The following FOXP2 variants were observed in gnomAD, a reference collection of about 807,000 sequenced individuals.
FOXP2 encodes forkhead box protein P2.
FOXP2 carries 12 observed loss-of-function variants against 115.8 expected under a neutral mutation model. That is an observed-to-expected ratio of 0.10 (90% CI 0.07 to 0.17). The LOEUF (loss-of-function observed/expected upper bound fraction) is 0.17, where lower values mean the gene tolerates loss of function less well. Ranked by LOEUF, FOXP2 falls within the 10% of genes least tolerant of loss-of-function variation. FOXP2 has a pLI of 1.00. For missense variants in FOXP2, 629 were observed against 843.5 expected (o/e 0.75, Z 3.15); for synonymous variants, 328 against 297.7 (o/e 1.10, Z -1.05).
At chr7:114,294,911 TATACATACATAC>T (rs199913892) in intron 2 of FOXP2, among the ~76,000 whole-genome samples, 3 of 151,298 alleles carry the variant, frequency 2.0e-5, no homozygotes, top group Non-Finnish European at 4.4e-5. Context: ...TGCATGCATA[TATACATACATAC>T]ATACATACAT....
chr7:114,548,258 A>G (rs1800031669), intron 3 of FOXP2, among the ~76,000 whole-genome samples: 1 of 152,238 alleles, frequency 6.6e-6, no homozygotes, highest in African/African-American at 2.4e-5. Context: ...AGAAGCCTCA[A>G]ACAGTGACTT....
At chr7:114,327,384 A>G (rs1797584381) in intron 2 of FOXP2, among the ~76,000 whole-genome samples, 1 of 152,226 alleles carries the variant, frequency 6.6e-6, no homozygotes, top group Non-Finnish European at 1.5e-5. Flanking sequence ...TATTAAATTT[A>G]GTCACCATTT....
intron 1 of FOXP2, among the ~76,000 whole-genome samples, chr7:114,148,770 CT>C (rs1486952190): frequency 6.6e-6 from 1 of 152,102 alleles, no homozygotes; most frequent in Non-Finnish European, 1.5e-5. Flanking sequence ...TCTTATGTTC[CT>C]TTTTCTTCAT....
intron 16 of FOXP2, among the ~76,000 whole-genome samples, chr7:114,687,519 T>C (rs1015228255): frequency 1.8e-4 from 27 of 152,194 alleles, no homozygotes; most frequent in Non-Finnish European, 3.7e-4. Flanking sequence ...TAATAATTTT[T>C]CTCGCTTTTT....
At chr7:114,280,077 CAAATAAATAAATAAATAAATAAAT>C (rs141041172) in intron 1 of FOXP2, among the ~76,000 whole-genome samples, 3 of 143,016 alleles carry the variant, frequency 2.1e-5, no homozygotes, top group Non-Finnish European at 3.1e-5. Flanking sequence ...GACTCTCAGG[CAAATAAATAAATAAATAAATAAAT>C]AAATAAATAA....
chr7:114,578,112 A>T (rs1205467487), intron 3 of FOXP2, among the ~76,000 whole-genome samples: 1 of 152,052 alleles, frequency 6.6e-6, no homozygotes, highest in Admixed American at 6.6e-5. Context: ...TAATATGAAT[A>T]ACAAATGTAC....
chr7:114,270,133 G>A (rs1486569153), intron 1 of FOXP2, among the ~76,000 whole-genome samples: 2 of 152,112 alleles, frequency 1.3e-5, no homozygotes, highest in Admixed American at 6.6e-5. Flanking sequence ...GTTTTTCCAT[G>A]TCTTTCCATG....
chr7:114,557,415 T>C (rs1028740557), intron 3 of FOXP2, among the ~76,000 whole-genome samples: 2 of 152,184 alleles, frequency 1.3e-5, no homozygotes, highest in Admixed American at 1.3e-4. Flanking sequence ...TTAAGACAAA[T>C]ATATATCATC....
chr7:114,622,813 G>T (rs544966655), intron 3 of FOXP2, among the ~76,000 whole-genome samples: 1 of 151,892 alleles, frequency 6.6e-6, no homozygotes, highest in African/African-American at 2.4e-5. Context: ...AAATTTAAAA[G>T]GAAATATTTA....
At chr7:114,087,606 C>A (rs1243053141), upstream of FOXP2, 2 of 147,932 alleles carry the variant, frequency 1.4e-5, no homozygotes, top group South Asian at 1.8e-4. Flanking sequence ...CCTTCGCGCT[C>A]GCGGCGGCGC....
upstream of FOXP2, chr7:114,086,442 C>T: frequency 5.9e-6 from 2 of 341,496 alleles, no homozygotes; most frequent in Admixed American, 4.0e-5. Flanking sequence ...ATTTATGCGG[C>T]GGCCGCGTCC....
At chr7:114,114,724 C>G (rs1221126201) in intron 1 of FOXP2, among the ~76,000 whole-genome samples, 1 of 152,072 alleles carries the variant, frequency 6.6e-6, no homozygotes, top group African/African-American at 2.4e-5. Flanking sequence ...TCCACCTTGC[C>G]TTATAGTTAT....
At chr7:114,387,413 A>C (rs1259239473) in intron 2 of FOXP2, among the ~76,000 whole-genome samples, 1 of 152,224 alleles carries the variant, frequency 6.6e-6, no homozygotes, top group East Asian at 1.9e-4. Flanking sequence ...CAGGACTAGA[A>C]TACATGAGTC....
chr7:114,523,956 A>G (rs1245662294), intron 2 of FOXP2, among the ~76,000 whole-genome samples: 12 of 152,210 alleles, frequency 7.9e-5, no homozygotes, highest in Admixed American at 7.9e-4. Flanking sequence ...TACCTTGGTT[A>G]CATATTCTGA....
chr7:114,654,140 G>A lies in FOXP2; in HGVS notation c.1266+131G>A, dbSNP rs182880551. ...TACGGCAATAAAATGAAAGTAAAAT[G>A]TAATCGCTTGTCAAATTGTATGTTT... On this transcript the variant is annotated intron_variant, in intron 10 of 16. Transcript: ENST00000350908. 2.0e-5 allele frequency: 31 copies of A among 1,553,884 alleles called. No individual in the cohort carries two copies. The Admixed American group carries it at 4.0e-4, about 20-fold the overall frequency.
rs190347117 is a variant in FOXP2 at position 114,436,706 on chromosome 7, T to C, written c.168+10027T>C. Among the ~76,000 whole-genome samples the C allele has an allele frequency of 3.2e-3, 480 of 151,786 alleles. 11 individuals are homozygous for C. The highest frequency in any genetic ancestry group is 0.029 in the Admixed American group (436 of 15,254). On this transcript the variant is annotated intron_variant, in intron 2 of 16. Coordinates refer to ENST00000350908, the MANE Select transcript of FOXP2 (RefSeq NM_014491.4). ...AATAATCACATACATAAATATGAAA[T>C]TGTAACTGTGACAGATGCTTCAAAG...
intron 1 of FOXP2, among the ~76,000 whole-genome samples, chr7:114,238,371 G>C (rs756123869): frequency 6.6e-6 from 1 of 151,900 alleles, no homozygotes; most frequent in Non-Finnish European, 1.5e-5. Flanking sequence ...TGCATATAAA[G>C]TTTTGAGAAA....
chr7:114,489,301 T>A, intron 2 of FOXP2, among the ~76,000 whole-genome samples: 1 of 152,148 alleles, frequency 6.6e-6, no homozygotes, highest in East Asian at 1.9e-4. Flanking sequence ...TGGGTTTTTT[T>A]GAAACTAGAC....
At chr7:114,211,249 G>T (rs889817207) in intron 1 of FOXP2, among the ~76,000 whole-genome samples, 3 of 152,188 alleles carry the variant, frequency 2.0e-5, no homozygotes, top group Non-Finnish European at 4.4e-5. Flanking sequence ...CGGGGCCAGA[G>T]TATGTAAAAC....
Sources: allele counts gnomAD v4.1 joint callset (sites outside exome capture counted in the v4.1 genomes callset), GRCh38; gene constraint gnomAD v4.1.1; transcripts MANE v1.5; gene names NCBI Gene and HGNC (gene_info 2026-07-23, HGNC 2026-07-21).